Variants in EVL observed in about 807,000 individuals in gnomAD.
The protein encoded by EVL is ena/VASP-like protein.
A neutral mutation model predicts 59.6 loss-of-function variants in EVL; 21 were observed. That is an observed-to-expected ratio of 0.35 (90% CI 0.25 to 0.51). The LOEUF (loss-of-function observed/expected upper bound fraction) is 0.51. Among genes scored for constraint, EVL ranks in the 20% least tolerant of loss-of-function variants. EVL has a pLI of 0.97. For synonymous variants in EVL, 198 were observed against 203.5 expected (o/e 0.97, Z 0.23); for missense variants, 462 against 546.6 (o/e 0.85, Z 1.54).
In EVL at chr14:100,143,836, A is replaced by C; in HGVS notation, c.*98A>C. The C allele has an allele frequency of 6.9e-7, 1 of 1,454,912 alleles. No individual in the cohort carries two copies. Among genetic ancestry groups the C allele is most frequent in the Non-Finnish European group, 9.4e-7 (1 of 1,060,608 alleles). The allele number at this position is 1,454,912 out of a possible 1,614,324, so 90.1% of individuals were successfully genotyped here. A position where few individuals can be genotyped will look rare whatever the true frequency, so the allele number is the denominator to read the frequency against. On this transcript the variant is annotated 3_prime_UTR_variant, in exon 14 of 14. Coordinates refer to ENST00000392920, the MANE Select transcript of EVL (RefSeq NM_016337.3). ...CAGACTCCAGTGCACCAGAGCACGC[A>C]CAGGAGCCTGGGCGCGCTGCTGTGA...
chr14:100,095,147 C>G (rs557405346), intron 2 of EVL, among the ~76,000 whole-genome samples: 1 of 152,236 alleles, frequency 6.6e-6, no homozygotes, highest in African/African-American at 2.4e-5. Context: ...TATCTCCTCA[C>G]GTATCTGGAG....
intron 1 of EVL, among the ~76,000 whole-genome samples, chr14:100,008,365 G>A (rs928062906): frequency 6.6e-6 from 1 of 152,216 alleles, no homozygotes; most frequent in African/African-American, 2.4e-5. Flanking sequence ...CTGTGATTGT[G>A]TGACCCTAGG....
chr14:100,119,850 G>A lies in EVL; in HGVS notation c.359-3689G>A, dbSNP rs74575486. Among the ~76,000 whole-genome samples the A allele has an allele frequency of 7.5e-4, 114 of 152,236 alleles. 1 individual carries two copies. Among genetic ancestry groups the A allele is most frequent in the Non-Finnish European group, 1.1e-3 (73 of 68,012 alleles). ...GGCAGAACTTAGGCCAGGTCCTCTCGTGCCCACTGCCTGCCCAGGTTAGTA... is the reference window on the plus strand; with the variant it reads ...GGCAGAACTTAGGCCAGGTCCTCTCATGCCCACTGCCTGCCCAGGTTAGTA... On this transcript the variant is annotated intron_variant, in intron 3 of 13. Transcript: ENST00000392920.
rs1555413983 is a variant in EVL at position 100,028,137 on chromosome 14, T to TG, written c.5+56080_5+56081insG. Among the ~76,000 whole-genome samples the TG allele has an allele frequency of 3.3e-3, 428 of 131,004 alleles. 3 individuals carry two copies. Among genetic ancestry groups the TG allele is most frequent in the African/African-American group, 5.8e-3 (198 of 33,914 alleles). 85.9% of individuals were successfully genotyped at this position (131,004 alleles called of 152,430 possible). ...TTAGTTGTTTTTTTGTTTGTTTGTT[T>TG]TTTTTTTTTTTTTTGAGGAACCTCC... On this transcript the variant is annotated intron_variant, in intron 1 of 13. Transcript: ENST00000402714.
chr14:100,136,041 G>A lies in EVL; in HGVS notation c.964+73G>A, dbSNP rs1056837416. On this transcript the variant is annotated intron_variant, in intron 9 of 13. Transcript: ENST00000392920. ...GTGGGAGGGGGGACCCTTCGGACAGGACCCTCTGATCCAGCCTCTTTAGTA... is the reference window on the plus strand; with the variant it reads ...GTGGGAGGGGGGACCCTTCGGACAGAACCCTCTGATCCAGCCTCTTTAGTA... The A allele has an allele frequency of 1.8e-5, 28 of 1,538,982 alleles. No individual in the cohort carries two copies. The South Asian group carries it at 2.8e-4, about 15-fold the overall frequency.
chr14:100,126,476 G>A (rs1376795163), intron 4 of EVL, among the ~76,000 whole-genome samples: 1 of 152,218 alleles, frequency 6.6e-6, no homozygotes, highest in Non-Finnish European at 1.5e-5. Context: ...GGAGCTCTGT[G>A]TTCAGTGTGC....
In EVL at chr14:100,144,050, C is replaced by T. The variant is rs1408424600; in HGVS notation, c.*312C>T. Reference sequence around the variant, plus strand: ...AGTCACCTGCTTCATTAGACGGTTTCCAGGTTTTCTCCCAGGTGACGCTGT... The same window carrying T: ...AGTCACCTGCTTCATTAGACGGTTTTCAGGTTTTCTCCCAGGTGACGCTGT... On this transcript the variant is annotated 3_prime_UTR_variant, in exon 14 of 14. Coordinates refer to ENST00000392920, the MANE Select transcript of EVL (RefSeq NM_016337.3). 4.9e-6 allele frequency: 2 copies of T among 411,826 alleles called. No individual in the cohort carries two copies. Among genetic ancestry groups the T allele is most frequent in the East Asian group, 9.2e-5 (2 of 21,708 alleles). The allele number at this position is 411,826 out of a possible 1,614,324, so 25.5% of individuals were successfully genotyped here.
rs2061133683 is a variant in EVL at position 100,022,031 on chromosome 14, C to T, written c.5+49974C>T. On this transcript the variant is annotated intron_variant, in intron 1 of 13. Coordinates refer to the EVL transcript ENST00000402714. The stretch of plus-strand genomic sequence containing the variant: ...GGGCTTGGCAAGTCTCTTGATCTTT[C>T]TTAGTGTCAGCTGAAATGGGGAGAG... Among the ~76,000 whole-genome samples, 4 of 152,084 alleles carry T rather than the reference C, an allele frequency of 2.6e-5. No individual in the cohort carries two copies. The South Asian group carries it at 6.2e-4, about 24-fold the overall frequency.
intron 1 of EVL, among the ~76,000 whole-genome samples, chr14:100,028,224 G>A (rs111600247): frequency 0.016 from 2,348 of 147,644 alleles, 67 homozygotes; most frequent in African/African-American, 0.056. Context: ...CAGTGTACAA[G>A]GGCCCCCCTT....
At chr14:100,035,682 A>G (rs578094638) in intron 1 of EVL, among the ~76,000 whole-genome samples, 34 of 148,492 alleles carry the variant, frequency 2.3e-4, no homozygotes, top group Non-Finnish European at 4.4e-4. Context: ...TGAGAAATTT[A>G]AAAGAAAAGA....
chr14:100,009,616 G>C (rs2061003640), intron 1 of EVL, among the ~76,000 whole-genome samples: 2 of 152,146 alleles, frequency 1.3e-5, no homozygotes. Context: ...AGATTAATTA[G>C]ATTTCTTTTT....
At chr14:99,975,351 G>C (rs2060763139) in intron 1 of EVL, among the ~76,000 whole-genome samples, 2 of 152,124 alleles carry the variant, frequency 1.3e-5, no homozygotes, top group Non-Finnish European at 2.9e-5. Flanking sequence ...TTTATAATTA[G>C]AGTTTTTAGG....
At chr14:100,037,810 A>G (rs1372756923) in intron 1 of EVL, among the ~76,000 whole-genome samples, 1 of 152,222 alleles carries the variant, frequency 6.6e-6, no homozygotes, top group East Asian at 1.9e-4. Flanking sequence ...ACTATGTCCC[A>G]GGCAATATAT....
intron 1 of EVL, among the ~76,000 whole-genome samples, chr14:100,052,003 G>A (rs933713076): frequency 3.3e-5 from 5 of 152,130 alleles, no homozygotes; most frequent in East Asian, 1.9e-4. Context: ...TTGAAAACTC[G>A]TTGGCCCTAA....
At chr14:100,039,120 C>A (rs2061430933) in intron 1 of EVL, among the ~76,000 whole-genome samples, 1 of 152,156 alleles carries the variant, frequency 6.6e-6, no homozygotes, top group Non-Finnish European at 1.5e-5. Flanking sequence ...GACAGAGACC[C>A]TGTGGGAGAC....
chr14:100,105,211 G>A (rs1026927577), intron 3 of EVL, among the ~76,000 whole-genome samples: 14 of 152,122 alleles, frequency 9.2e-5, no homozygotes, highest in African/African-American at 3.1e-4. Context: ...TTGGGAGCAG[G>A]ACCTGTGTTG....
intron 1 of EVL, among the ~76,000 whole-genome samples, chr14:99,980,855 TTGG>T (rs2060801337): frequency 6.6e-6 from 1 of 152,224 alleles, no homozygotes; most frequent in Non-Finnish European, 1.5e-5. Flanking sequence ...TTTTGCTGGT[TTGG>T]TGATTTTGTT....
chr14:100,000,178 C>T (rs1184437244), intron 1 of EVL, among the ~76,000 whole-genome samples: 2 of 152,148 alleles, frequency 1.3e-5, no homozygotes, highest in Non-Finnish European at 2.9e-5. Context: ...AACGTGTGCC[C>T]AAGGTGGTCA....
chr14:99,975,315 C>G (rs1015182439), intron 1 of EVL, among the ~76,000 whole-genome samples: 1 of 152,212 alleles, frequency 6.6e-6, no homozygotes, highest in Non-Finnish European at 1.5e-5. Context: ...TTTTTCTATA[C>G]TGTCCCTAGT....
Sources: allele counts gnomAD v4.1 joint callset (sites outside exome capture counted in the v4.1 genomes callset), GRCh38; gene constraint gnomAD v4.1.1; transcripts MANE v1.5; gene names NCBI Gene and HGNC (gene_info 2026-07-23, HGNC 2026-07-21).